Variants in THSD4 observed in about 807,000 individuals in gnomAD.
THSD4 encodes thrombospondin type-1 domain-containing protein 4.
A neutral mutation model predicts 119.0 loss-of-function variants in THSD4; 69 were observed. The observed-to-expected ratio is 0.58, with a 90% CI of 0.48 to 0.71. The LOEUF (loss-of-function observed/expected upper bound fraction) is 0.71, where lower values mean the gene tolerates loss of function less well. Ranked by LOEUF, THSD4 falls within the 30% of genes least tolerant of loss-of-function variation. The pLI is 0.00. For synonymous variants in THSD4, 524 were observed against 540.4 expected, an observed-to-expected ratio of 0.97 and a Z score of 0.42; for missense variants, 1,393 against 1,391.1, an observed-to-expected ratio of 1.00 and a Z score of -0.02.
chr15:71,751,905 C>T (rs1470390854), intron 14 of THSD4, among the ~76,000 whole-genome samples: 4 of 152,150 alleles, frequency 2.6e-5, no homozygotes, highest in Admixed American at 2.0e-4. Flanking sequence ...TCTTTATATG[C>T]ACCTCTTCTT....
chr15:71,345,164 A>G (rs1315582129), intron 6 of THSD4, among the ~76,000 whole-genome samples: 2 of 112,552 alleles, frequency 1.8e-5, no homozygotes, highest in Non-Finnish European at 3.3e-5. Context: ...TCTGTATGGT[A>G]TGTTTTTGTT....
At chr15:71,406,444 A>G (rs1026287676) in intron 6 of THSD4, among the ~76,000 whole-genome samples, 4 of 152,072 alleles carry the variant, frequency 2.6e-5, no homozygotes, top group Non-Finnish European at 5.9e-5. Context: ...TAATTGGTTT[A>G]TAGTGTTGTT....
intron 8 of THSD4, 95 bp from the exon 9 acceptor site, chr15:71,728,453 CT>C: frequency 6.9e-7 from 1 of 1,458,438 alleles, no homozygotes; most frequent in Non-Finnish European, 9.4e-7. Flanking sequence ...TGTCAAAAAC[CT>C]TGATGAATGA....
chr15:71,756,395 AAAAT>A (rs1368427931), intron 14 of THSD4, among the ~76,000 whole-genome samples: 1 of 152,214 alleles, frequency 6.6e-6, no homozygotes, highest in African/African-American at 2.4e-5. Context: ...GCAAATCAGA[AAAAT>A]AAAAGGAGGA....
intron 7 of THSD4, among the ~76,000 whole-genome samples, chr15:71,556,764 TAA>T (rs61509514): frequency 1.5e-4 from 21 of 138,532 alleles, no homozygotes; most frequent in Admixed American, 2.2e-4. Flanking sequence ...GACCCTGTCT[TAA>T]AAAAAAAAAA....
At chr15:71,274,806 T>G (rs1458004476) in intron 6 of THSD4, among the ~76,000 whole-genome samples, 2 of 152,048 alleles carry the variant, frequency 1.3e-5, no homozygotes, top group Non-Finnish European at 2.9e-5. Flanking sequence ...AAATGATTCT[T>G]TAAAAAGCTG....
At chr15:71,315,043 C>G (rs1029242029) in intron 6 of THSD4, among the ~76,000 whole-genome samples, 6 of 152,164 alleles carry the variant, frequency 3.9e-5, no homozygotes, top group Admixed American at 2.6e-4. Context: ...CTCCTGCCCC[C>G]ACTCCCCCAG....
At chr15:71,327,352 C>T (rs1007068027) in intron 6 of THSD4, among the ~76,000 whole-genome samples, 5 of 152,250 alleles carry the variant, frequency 3.3e-5, no homozygotes, top group African/African-American at 9.6e-5. Flanking sequence ...AAACCTTAGC[C>T]GCCTTCCACC....
Position 71,427,658 on chromosome 15 carries a change from A to G in THSD4, c.1152+15835A>G, listed in dbSNP as rs2140526824. 2.7e-5 allele frequency among the ~76,000 whole-genome samples: 4 copies of G among 149,734 alleles called. No individual in the cohort carries two copies. The Middle Eastern group carries it at 0.01, about 382-fold the overall frequency. ...GTTGAGGTGACCATTTTGTGCTTGC[A>G]CCCTGCTCTCTGCCCTGAGTTAATC... On this transcript the variant is annotated intron_variant, in intron 7 of 17. Coordinates refer to ENST00000261862, the MANE Select transcript of THSD4 (RefSeq NM_024817.3).
chr15:71,207,716 T>C (rs1180763244), intron 3 of THSD4, among the ~76,000 whole-genome samples: 4 of 152,146 alleles, frequency 2.6e-5, no homozygotes, highest in African/African-American at 9.7e-5. Flanking sequence ...TATTGTGAAC[T>C]GTGCATGTGA....
At position 71,154,876 on chromosome 15, in the gene THSD4, C is replaced by T. The variant is rs370120531; in HGVS notation, c.43C>T (p.Leu15Phe). The T allele has an allele frequency of 6.2e-7, 1 of 1,614,144 alleles. No individual in the cohort carries two copies. Among genetic ancestry groups the T allele is most frequent in the African/African-American group, 1.3e-5 (1 of 75,036 alleles). ...FMGSLSVLCF[L>F]LLLGFQFVCP... The stretch of plus-strand genomic sequence containing the variant: ...TTCCCTTTTCAGTGTCCTGTGTTTC[C>T]TTCTGCTGCTTGGATTCCAGTTCGT... Residue 15 changes from leucine (L) to phenylalanine (F), a missense_variant, in exon 3 of 18, where the codon CTT becomes TTT. Coordinates refer to ENST00000261862, the MANE Select transcript of THSD4 (RefSeq NM_024817.3).
intron 4 of THSD4, among the ~76,000 whole-genome samples, chr15:71,226,990 C>T (rs901151493): frequency 6.6e-6 from 1 of 152,142 alleles, no homozygotes; most frequent in Non-Finnish European, 1.5e-5. Context: ...CAAGAAGTTA[C>T]CTGTTGATGC....
At chr15:71,745,544 C>T (rs2053319584) in intron 12 of THSD4, among the ~76,000 whole-genome samples, 1 of 152,198 alleles carries the variant, frequency 6.6e-6, no homozygotes, top group South Asian at 2.1e-4. Flanking sequence ...TAGTTGGTGT[C>T]GTAGGTGAGC....
At chr15:71,658,122 G>A (rs1252998220) in intron 7 of THSD4, among the ~76,000 whole-genome samples, 2 of 152,182 alleles carry the variant, frequency 1.3e-5, no homozygotes, top group African/African-American at 4.8e-5. Context: ...CCACACTGCA[G>A]TCATTGTTAC....
intron 6 of THSD4, among the ~76,000 whole-genome samples, chr15:71,371,921 A>C (rs1029064675): frequency 1.3e-5 from 2 of 152,232 alleles, no homozygotes; most frequent in African/African-American, 4.8e-5. Flanking sequence ...TACACCAGTC[A>C]GATGTATATC....
intron 7 of THSD4, among the ~76,000 whole-genome samples, chr15:71,625,509 AC>A (rs2140934985): frequency 1.3e-5 from 2 of 152,310 alleles, no homozygotes; most frequent in East Asian, 3.9e-4. Context: ...AAAGAGAAAA[AC>A]AGGAGGACAA....
upstream of THSD4, chr15:71,110,925 T>G: frequency 3.6e-6 from 2 of 556,930 alleles, no homozygotes; most frequent in Non-Finnish European, 6.4e-6. Context: ...TAGATCTCCA[T>G]TGTCTAGGCC....
chr15:71,367,035 A>C (rs1205621510), intron 6 of THSD4, among the ~76,000 whole-genome samples: 1 of 152,172 alleles, frequency 6.6e-6, no homozygotes, highest in African/African-American at 2.4e-5. Context: ...CAAGGGATTC[A>C]AGAGTCGTTA....
intron 3 of THSD4, among the ~76,000 whole-genome samples, chr15:71,160,605 T>C (rs2043240834): frequency 6.6e-6 from 1 of 151,962 alleles, no homozygotes; most frequent in South Asian, 2.1e-4. Flanking sequence ...TATTGGTGTA[T>C]AGTTGTTCAT....
Sources: gnomAD v4.1 joint callset for allele counts (sites outside exome capture counted in the v4.1 genomes callset) on GRCh38, gnomAD v4.1.1 for gene constraint, MANE v1.5 for transcripts, NCBI Gene and HGNC (gene_info 2026-07-23, HGNC 2026-07-21) for gene names.